Variants in SMPD3 observed in about 807,000 individuals in gnomAD.
SMPD3 encodes the protein sphingomyelin phosphodiesterase 3, also known as nSMase-2.
A neutral mutation model predicts 55.7 loss-of-function variants in SMPD3; 21 were observed. The ratio of observed to expected loss-of-function variants is 0.38; its 90% confidence interval spans 0.27 to 0.54. The LOEUF (loss-of-function observed/expected upper bound fraction) is 0.54. Ranked by LOEUF, SMPD3 falls within the 20% of genes least tolerant of loss-of-function variation. The probability of loss-of-function intolerance (pLI) is 0.80; values close to 1 mark genes in which losing one functional copy is unlikely to be tolerated. For synonymous variants in SMPD3, 457 were observed against 404.3 expected (o/e 1.13, Z -1.56); for missense variants, 842 against 899.6 (o/e 0.94, Z 0.82).
intron 1 of SMPD3, among the ~76,000 whole-genome samples, chr16:68,405,903 T>C (rs1567802411): frequency 6.6e-6 from 1 of 152,190 alleles, no homozygotes; most frequent in Non-Finnish European, 1.5e-5. Context: ...CGTCCGCCCT[T>C]AACCCCAGAC....
Position 68,371,846 on chromosome 16 carries a change from G to A in SMPD3, c.336C>T (p.Leu112=). 1 of 1,605,654 alleles carries A rather than the reference G, an allele frequency of 6.2e-7. No homozygotes were observed. Among genetic ancestry groups the A allele is most frequent in the South Asian group, 1.1e-5 (1 of 89,494 alleles). The part of the protein sequence containing the change: ...DKGLAGGAAL[L]SEWKGTGPGK... ...CAGGCCCCGTGCCCTTCCATTCACT[G>A]AGCAGGGCTGCCCCACCGGCCAGGC... Residue 112 remains leucine (L), a synonymous_variant, in exon 3 of 9, where the codon CTC becomes CTT. Coordinates refer to ENST00000219334, the MANE Select transcript of SMPD3 (RefSeq NM_018667.4).
intron 7 of SMPD3, among the ~76,000 whole-genome samples, chr16:68,362,339 G>C (rs996619471): frequency 6.6e-6 from 1 of 152,246 alleles, no homozygotes; most frequent in Non-Finnish European, 1.5e-5. Flanking sequence ...CCGCTTCTGA[G>C]TGAGGAAACC....
chr16:68,446,920 A>G (rs188873159), intron 1 of SMPD3, among the ~76,000 whole-genome samples: 3 of 152,272 alleles, frequency 2.0e-5, no homozygotes, highest in Admixed American at 6.5e-5. Context: ...GGTATGGGAA[A>G]AGGGAAAGAT....
chr16:68,419,149 G>A (rs1011902638), intron 1 of SMPD3, among the ~76,000 whole-genome samples: 1 of 152,188 alleles, frequency 6.6e-6, no homozygotes, highest in African/African-American at 2.4e-5. Context: ...TCCTGGAGGG[G>A]TAAGGGATGC....
chr16:68,401,841 G>C (rs1185159512), intron 1 of SMPD3, among the ~76,000 whole-genome samples: 1 of 152,214 alleles, frequency 6.6e-6, no homozygotes, highest in South Asian at 2.1e-4. Context: ...AAATGGCTAA[G>C]AGGACAGCAG....
intron 2 of SMPD3, among the ~76,000 whole-genome samples, chr16:68,376,357 G>A (rs933157143): frequency 3.9e-5 from 6 of 152,186 alleles, no homozygotes; most frequent in Non-Finnish European, 8.8e-5. Context: ...AGTGGGCCCA[G>A]GCCAGAGTCT....
Position 68,361,227 on chromosome 16 carries a change from A to C in SMPD3, c.1947T>G (p.Ser649=), listed in dbSNP as rs747282739. The C allele has an allele frequency of 3.0e-5, 49 of 1,613,784 alleles. No individual in the cohort carries two copies. Among genetic ancestry groups the C allele is most frequent in the Middle Eastern group, 1.6e-4 (1 of 6,082 alleles). Residue 649 remains serine (S), a synonymous_variant, in exon 9 of 9, where the codon TCT becomes TCG. Coordinates refer to ENST00000219334, the MANE Select transcript of SMPD3 (RefSeq NM_018667.4). ...HLPVAMRLMV[S]SGEEEA ...CGGTCTATGCCTCCTCCTCCCCCGA[A>C]GACACCATCAGTCGCATGGCTACTG...
intron 1 of SMPD3, among the ~76,000 whole-genome samples, chr16:68,408,496 T>G (rs186287166): frequency 6.6e-6 from 1 of 152,292 alleles, no homozygotes; most frequent in East Asian, 1.9e-4. Flanking sequence ...ATTTAGAAAT[T>G]TTTTTGGTGA....
chr16:68,443,663 G>C (rs1479157581), intron 1 of SMPD3, among the ~76,000 whole-genome samples: 2 of 152,144 alleles, frequency 1.3e-5, no homozygotes, highest in Non-Finnish European at 2.9e-5. Context: ...ACCAAGTTCA[G>C]TTAACAAAGC....
At chr16:68,361,574 G>A (rs2151969177) in intron 8 of SMPD3, 29 bp downstream of exon 8, 1 of 1,602,842 alleles carries the variant, frequency 6.2e-7, no homozygotes, top group South Asian at 1.1e-5. Context: ...TCTTTGCATG[G>A]CCCTGGCTGC....
intron 2 of SMPD3, among the ~76,000 whole-genome samples, chr16:68,374,996 C>T (rs1294057968): frequency 6.6e-6 from 1 of 152,216 alleles, no homozygotes; most frequent in African/African-American, 2.4e-5. Flanking sequence ...TTGGGGCCAC[C>T]TGGACGTCAC....
intron 1 of SMPD3, among the ~76,000 whole-genome samples, chr16:68,387,729 C>T (rs2090072034): frequency 6.6e-6 from 1 of 152,234 alleles, no homozygotes; most frequent in Non-Finnish European, 1.5e-5. Flanking sequence ...GGCCCAAAGC[C>T]CTCTTACCAC....
intron 2 of SMPD3, among the ~76,000 whole-genome samples, chr16:68,377,437 G>A (rs1386951292): frequency 6.6e-6 from 1 of 152,164 alleles, no homozygotes; most frequent in Non-Finnish European, 1.5e-5. Flanking sequence ...CTGCTCCTGC[G>A]AGTGACTGAT....
At chr16:68,431,507 T>C (rs936973537) in intron 1 of SMPD3, among the ~76,000 whole-genome samples, 6 of 152,124 alleles carry the variant, frequency 3.9e-5, no homozygotes, top group African/African-American at 1.2e-4. Context: ...TGGACTCCCA[T>C]TTATAATGTG....
intron 1 of SMPD3, among the ~76,000 whole-genome samples, chr16:68,408,627 G>A (rs2090271739): frequency 6.6e-6 from 1 of 152,214 alleles, no homozygotes; most frequent in African/African-American, 2.4e-5. Flanking sequence ...CAGGGACCTG[G>A]ACCTAGGCAT....
intron 1 of SMPD3, among the ~76,000 whole-genome samples, chr16:68,413,870 G>A (rs2090320384): frequency 6.6e-6 from 1 of 152,154 alleles, no homozygotes; most frequent in Non-Finnish European, 1.5e-5. Flanking sequence ...GCATGCTCTG[G>A]TGCTGTTCTG....
intron 1 of SMPD3, among the ~76,000 whole-genome samples, chr16:68,391,076 T>C (rs1050354745): frequency 6.6e-6 from 1 of 152,242 alleles, no homozygotes; most frequent in Non-Finnish European, 1.5e-5. Flanking sequence ...CGTCATTTTA[T>C]GCTTGAAAAA....
intron 1 of SMPD3, among the ~76,000 whole-genome samples, chr16:68,440,065 C>T (rs769698876): frequency 2.6e-5 from 4 of 152,122 alleles, no homozygotes; most frequent in African/African-American, 2.4e-5. Context: ...TGATATCCTA[C>T]GTTTTGGTGT....
At chr16:68,379,884 T>C (rs1422805983) in intron 2 of SMPD3, among the ~76,000 whole-genome samples, 3 of 152,206 alleles carry the variant, frequency 2.0e-5, no homozygotes, top group African/African-American at 7.2e-5. Flanking sequence ...AACTCGGGCG[T>C]GACTGGAAAG....
Sources: gnomAD v4.1 joint callset for allele counts (sites outside exome capture counted in the v4.1 genomes callset) on GRCh38, gnomAD v4.1.1 for gene constraint, MANE v1.5 for transcripts, NCBI Gene and HGNC (gene_info 2026-07-23, HGNC 2026-07-21) for gene names.